The following CHD7 variants were observed in gnomAD, a reference collection of about 807,000 sequenced individuals.
The protein encoded by CHD7 is ATP-dependent chromatin remodeler CHD7.
A neutral mutation model predicts 307.3 loss-of-function variants in CHD7; 24 were observed. The ratio of observed to expected loss-of-function variants is 0.08; its 90% CI spans 0.06 to 0.11. The LOEUF is 0.11. Among genes scored for constraint, CHD7 ranks in the 10% least tolerant of loss-of-function variants. The pLI is 1.00. For synonymous variants in CHD7, 1,363 were observed against 1,349.9 expected (o/e 1.01, Z -0.21); for missense variants, 3,106 against 3,727.1 (o/e 0.83, Z 4.34).
In CHD7 at chr8:60,866,130, A is replaced by G; in HGVS notation, c.*197A>G. ...TTAAGTATTGTGCAGTGCATTATTT[A>G]TTATCCCTAGGAGAGATGAAATTTG... On this transcript the variant is annotated 3_prime_UTR_variant, in exon 38 of 38. Coordinates refer to ENST00000423902, the MANE Select transcript of CHD7 (RefSeq NM_017780.4). 1 of 547,114 alleles carries G rather than the reference A, an allele frequency of 1.8e-6. No individual in the cohort carries two copies. Among genetic ancestry groups the G allele is most frequent in the South Asian group, 2.5e-5 (1 of 40,724 alleles). 33.9% of individuals were successfully genotyped at this position (547,114 alleles called of 1,614,324 possible).
intron 1 of CHD7, among the ~76,000 whole-genome samples, chr8:60,698,867 A>G (rs533101546): frequency 6.6e-6 from 1 of 152,028 alleles, no homozygotes; most frequent in Non-Finnish European, 1.5e-5. Context: ...GTTCACTGCA[A>G]CCTCTGCCTC....
intron 2 of CHD7, among the ~76,000 whole-genome samples, chr8:60,776,763 C>G (rs557479426): frequency 2.0e-5 from 3 of 152,308 alleles, no homozygotes; most frequent in African/African-American, 7.2e-5. Flanking sequence ...AATCATTGCA[C>G]ACTCTTCTGG....
intron 21 of CHD7, among the ~76,000 whole-genome samples, chr8:60,843,085 C>G (rs1805045209): frequency 6.6e-6 from 1 of 152,232 alleles, no homozygotes. Flanking sequence ...TCACACTCAT[C>G]ATGTTGTTTA....
At position 60,845,308 on chromosome 8, in the gene CHD7, A is replaced by G. The variant is rs974674442; in HGVS notation, c.5109A>G (p.Thr1703=). The G allele has an allele frequency of 5.0e-6, 8 of 1,613,900 alleles. No individual in the cohort carries two copies. The highest frequency in any genetic ancestry group is 5.9e-6 in the Non-Finnish European group (7 of 1,179,896). Residue 1703 remains threonine, a synonymous_variant, in exon 23 of 38, where the codon ACA becomes ACG. Coordinates refer to ENST00000423902, the MANE Select transcript of CHD7 (RefSeq NM_017780.4). The part of the protein sequence containing the change: ...RKGKKVKAQS[T]QPVVQDADWL... ...GAAAGAAGGTGAAAGCCCAGAGCAC[A>G]CAGCCGGTGGTGCAGGATGCCGACT...
At chr8:60,859,809 A>G (rs1020714281) in intron 34 of CHD7, among the ~76,000 whole-genome samples, 1 of 152,234 alleles carries the variant, frequency 6.6e-6, no homozygotes, top group African/African-American at 2.4e-5. Context: ...CCTTGATGCC[A>G]TTCGGAAGAA....
intron 16 of CHD7, 38 bp from the exon 17 acceptor site, chr8:60,836,779 A>G (rs370560155): frequency 8.7e-6 from 13 of 1,492,586 alleles, no homozygotes; most frequent in South Asian, 8.5e-5. Context: ...TGTTGTCGCT[A>G]TGCGTCAGGC....
chr8:60,753,541 AAAC>A lies in CHD7; in HGVS notation c.1665+10452_1665+10454del, dbSNP rs376374726. Among the ~76,000 whole-genome samples, 112 of 152,344 alleles carry A rather than the reference AAAC, an allele frequency of 7.4e-4. No homozygotes were observed. In the South Asian group the frequency reaches 0.023, roughly 31 times the overall value. ...CTAGGATATCATTGATGAAGAAAACAAACAACAACAGTAAGAGACTAGCCATTC... is the reference window on the plus strand; with the variant it reads ...CTAGGATATCATTGATGAAGAAAACAAACAACAGTAAGAGACTAGCCATTC... On this transcript the variant is annotated intron_variant, in intron 2 of 37. Coordinates refer to ENST00000423902, the MANE Select transcript of CHD7 (RefSeq NM_017780.4).
At chr8:60,841,523 G>A (rs1804974781) in intron 19 of CHD7, 121 bp from the exon 20 acceptor site, 3 of 748,728 alleles carry the variant, frequency 4.0e-6, no homozygotes, top group Non-Finnish European at 7.0e-6. Context: ...CCCATCTACT[G>A]TAGTGTCTGG....
chr8:60,700,466 A>G (rs4738816), intron 1 of CHD7, among the ~76,000 whole-genome samples: 73,149 of 152,124 alleles, frequency 0.48, 21,567 homozygotes, highest in East Asian at 0.74. Context: ...TAAAGACAAT[A>G]TTAAGCCCCA....
intron 7 of CHD7, among the ~76,000 whole-genome samples, chr8:60,814,386 TTTTTC>T (rs1324118657): frequency 6.6e-6 from 1 of 152,238 alleles, no homozygotes; most frequent in African/African-American, 2.4e-5. Context: ...CACATGTGCC[TTTTTC>T]TGTCAAATAA....
intron 1 of CHD7, among the ~76,000 whole-genome samples, chr8:60,714,658 C>G (rs528742013): frequency 2.0e-5 from 3 of 152,296 alleles, no homozygotes; most frequent in Admixed American, 6.5e-5. Context: ...AGGCCACGCC[C>G]TCTGTTCCGA....
intron 2 of CHD7, among the ~76,000 whole-genome samples, chr8:60,748,035 T>A (rs953924239): frequency 9.9e-5 from 15 of 152,200 alleles, no homozygotes; most frequent in African/African-American, 3.1e-4. Flanking sequence ...ACATCCTTGG[T>A]TTTAGTGAAC....
chr8:60,822,181 A>G (rs1419091919), intron 11 of CHD7, 36 bp downstream of exon 11: 2 of 1,567,618 alleles, frequency 1.3e-6, no homozygotes, highest in Non-Finnish European at 1.7e-6. Flanking sequence ...TTTTAAATAT[A>G]TCTGTAGTTC....
intron 2 of CHD7, among the ~76,000 whole-genome samples, chr8:60,760,396 G>A (rs1371138652): frequency 6.8e-6 from 1 of 147,848 alleles, no homozygotes; most frequent in East Asian, 2.0e-4. Context: ...AACCCTAGAA[G>A]AAAACCTAGG....
At chr8:60,718,367 C>T (rs892223429) in intron 1 of CHD7, among the ~76,000 whole-genome samples, 8 of 151,770 alleles carry the variant, frequency 5.3e-5, no homozygotes, top group Non-Finnish European at 1.2e-4. Flanking sequence ...CTCAGATACT[C>T]GGGAGGCTGA....
chr8:60,729,204 A>G (rs1224139715), intron 1 of CHD7, among the ~76,000 whole-genome samples: 2 of 152,288 alleles, frequency 1.3e-5, no homozygotes, highest in African/African-American at 2.4e-5. Flanking sequence ...GGGCTGAGGA[A>G]ATTTGGCATT....
chr8:60,845,851 A>G (rs1805188549), intron 23 of CHD7, among the ~76,000 whole-genome samples: 1 of 152,242 alleles, frequency 6.6e-6, no homozygotes, highest in South Asian at 2.1e-4. Context: ...ATCTTCCCAA[A>G]TATAAACACT....
In CHD7 at chr8:60,754,782, G is replaced by A. The variant is rs114733388; in HGVS notation, c.1665+11685G>A. Among the ~76,000 whole-genome samples the A allele has an allele frequency of 7.5e-3, 1,149 of 152,296 alleles. 18 individuals are homozygous for A. Among genetic ancestry groups the A allele is most frequent in the African/African-American group, 0.026 (1,067 of 41,560 alleles). On this transcript the variant is annotated intron_variant, in intron 2 of 37. Transcript: ENST00000423902. Reference sequence around the variant, plus strand: ...TCAGAAACTTCAAATGGCAGGTTAAGTTGACGTCCTGTTTCATATTGCTAG... The same window carrying A: ...TCAGAAACTTCAAATGGCAGGTTAAATTGACGTCCTGTTTCATATTGCTAG...
intron 4 of CHD7, among the ~76,000 whole-genome samples, chr8:60,796,324 C>G (rs924916566): frequency 6.6e-6 from 1 of 152,180 alleles, no homozygotes; most frequent in African/African-American, 2.4e-5. Context: ...GGCTGTTTTA[C>G]AACTAAAGTG....
Sources: gnomAD v4.1 joint callset for allele counts (sites outside exome capture counted in the v4.1 genomes callset) on GRCh38, gnomAD v4.1.1 for gene constraint, MANE v1.5 for transcripts, NCBI Gene and HGNC (gene_info 2026-07-23, HGNC 2026-07-21) for gene names.